LGI1: variants seen among roughly 807,000 people sequenced by gnomAD.
LGI1 encodes the protein leucine rich glioma inactivated 1, also known as leucine-rich glioma-inactivated protein 1.
Under a neutral mutation model 57.7 loss-of-function variants are expected in LGI1, and 11 were observed. The observed-to-expected ratio is 0.19, with a 90% CI of 0.12 to 0.32. The LOEUF (loss-of-function observed/expected upper bound fraction) is 0.32. Ranked by LOEUF, LGI1 falls within the 10% of genes least tolerant of loss-of-function variation. LGI1 has a pLI of 1.00. For synonymous variants in LGI1, 222 were observed against 241.9 expected, an observed-to-expected ratio of 0.92 and a Z score of 0.76; for missense variants, 422 against 661.9, an observed-to-expected ratio of 0.64 and a Z score of 3.98.
At chr10:93,781,685 TA>T (rs1312328388) in intron 4 of LGI1, among the ~76,000 whole-genome samples, 9 of 152,286 alleles carry the variant, frequency 5.9e-5, no homozygotes, top group African/African-American at 1.7e-4. Flanking sequence ...AAAACATGAA[TA>T]AAAAATTAGT....
At chr10:93,775,347 C>T (rs1391635813) in intron 2 of LGI1, among the ~76,000 whole-genome samples, 2 of 152,136 alleles carry the variant, frequency 1.3e-5, no homozygotes, top group Non-Finnish European at 2.9e-5. Flanking sequence ...TGGCTCCTTT[C>T]CTTGAATATT....
intron 2 of LGI1, chr10:93,768,711 G>T (rs2059704687): frequency 6.6e-6 from 1 of 152,134 alleles, no homozygotes; most frequent in Non-Finnish European, 1.5e-5. Flanking sequence ...GCATGTCAAG[G>T]ACATCCCTGC....
chr10:93,758,416 G>C lies in LGI1; in HGVS notation c.215+57G>C. The C allele has an allele frequency of 6.5e-7, 1 of 1,527,200 alleles. No individual in the cohort carries two copies. Among genetic ancestry groups the C allele is most frequent in the Non-Finnish European group, 9.1e-7 (1 of 1,103,504 alleles). The allele number at this position is 1,527,200 out of a possible 1,614,324, so 94.6% of individuals were successfully genotyped here. A position where few individuals can be genotyped will look rare whatever the true frequency, so the allele number is the denominator to read the frequency against. ...TACGATTTAAAAATTCCAGCCGGTG[G>C]ATTTGGGGCTTTGCATGTATTTGTA... On this transcript the variant is annotated intron_variant, in intron 1 of 7. Transcript: ENST00000371418. The surrounding 1 kb of genome is among the most constrained non-coding windows in gnomAD (Gnocchi z 4.7).
chr10:93,772,202 T>G (rs2059748557), intron 2 of LGI1, among the ~76,000 whole-genome samples: 1 of 152,174 alleles, frequency 6.6e-6, no homozygotes, highest in South Asian at 2.1e-4. Context: ...TCAAAGGACA[T>G]GATTTCATAG....
intron 2 of LGI1, among the ~76,000 whole-genome samples, chr10:93,776,186 A>G (rs2059792208): frequency 6.6e-6 from 1 of 152,078 alleles, no homozygotes; most frequent in Non-Finnish European, 1.5e-5. Context: ...ATCCAACACC[A>G]CTCTAGGATT....
chr10:93,772,098 T>A (rs1386465642), intron 2 of LGI1: 1 of 151,836 alleles, frequency 6.6e-6, no homozygotes, highest in East Asian at 1.9e-4. Flanking sequence ...AAATTGGTAA[T>A]CAGTAGGAAA....
chr10:93,764,273 A>G (rs2059651873), intron 2 of LGI1: 1 of 152,174 alleles, frequency 6.6e-6, no homozygotes, highest in African/African-American at 2.4e-5. Context: ...GTAAGTAGAG[A>G]TGAGGTCTTG....
intron 4 of LGI1, among the ~76,000 whole-genome samples, chr10:93,778,278 C>T (rs1053129497): frequency 6.6e-6 from 1 of 151,904 alleles, no homozygotes; most frequent in Non-Finnish European, 1.5e-5. Context: ...GGTTGAGAAA[C>T]CCTGAACAAC....
chr10:93,762,198 G>A (rs569085211), intron 2 of LGI1, among the ~76,000 whole-genome samples: 9 of 152,250 alleles, frequency 5.9e-5, no homozygotes, highest in African/African-American at 1.4e-4. Flanking sequence ...GTAAGAATCC[G>A]ACATGACCAG....
At chr10:93,783,246 G>A (rs918156606) in intron 4 of LGI1, among the ~76,000 whole-genome samples, 1 of 152,050 alleles carries the variant, frequency 6.6e-6, no homozygotes, top group African/African-American at 2.4e-5. Context: ...CGTGGTGGCG[G>A]GCGCCTGTAG....
intron 2 of LGI1, among the ~76,000 whole-genome samples, chr10:93,760,894 G>T (rs774416992): frequency 4.4e-4 from 67 of 152,164 alleles, no homozygotes; most frequent in Non-Finnish European, 8.2e-4. Flanking sequence ...GTGTGTTCTC[G>T]GTTAACTCAG....
At chr10:93,795,562 G>A (rs1399604286) in intron 7 of LGI1, among the ~76,000 whole-genome samples, 1 of 152,110 alleles carries the variant, frequency 6.6e-6, no homozygotes, top group Non-Finnish European at 1.5e-5. Context: ...ATTTTGGAGG[G>A]ACAGAAACAT....
intron 4 of LGI1, among the ~76,000 whole-genome samples, chr10:93,782,524 T>C (rs2059855069): frequency 6.6e-6 from 1 of 152,132 alleles, no homozygotes; most frequent in Admixed American, 6.6e-5. Flanking sequence ...TTCTAAATGC[T>C]ATAGTGTATA....
intron 5 of LGI1, 118 bp downstream of exon 5, chr10:93,790,288 A>T (rs966184986): frequency 9.5e-5 from 94 of 990,362 alleles, no homozygotes; most frequent in Non-Finnish European, 1.3e-4. Flanking sequence ...GGATTTTTAA[A>T]TCTAAATTTT....
chr10:93,769,734 C>A (rs2059715970), intron 2 of LGI1: 1 of 152,212 alleles, frequency 6.6e-6, no homozygotes, highest in Middle Eastern at 3.2e-3. Flanking sequence ...TGAATCCAAT[C>A]AATTCATTCT....
At chr10:93,770,842 T>C (rs561291200) in intron 2 of LGI1, 2 of 152,308 alleles carry the variant, frequency 1.3e-5, no homozygotes, top group African/African-American at 4.8e-5. Context: ...TAAATTCCCA[T>C]TGAAATCAAA....
chr10:93,791,376 G>T (rs1227696913), intron 5 of LGI1: 1 of 152,082 alleles, frequency 6.6e-6, no homozygotes, highest in Non-Finnish European at 1.5e-5. Context: ...CTCATTGGGG[G>T]TCCTTTACCC....
chr10:93,777,342 A>T (rs780041745), intron 2 of LGI1, 37 bp from the exon 3 acceptor site: 2 of 1,576,374 alleles, frequency 1.3e-6, no homozygotes, highest in Non-Finnish European at 1.7e-6. Context: ...ACAATCTGTC[A>T]GTTTCACCAT....
intron 2 of LGI1, chr10:93,762,603 G>T (rs2059634765): frequency 6.6e-6 from 1 of 152,118 alleles, no homozygotes; most frequent in Admixed American, 6.5e-5. Flanking sequence ...ATTATTAGCT[G>T]GTTATAGGTG....
Sources: gnomAD v4.1 joint callset for allele counts (sites outside exome capture counted in the v4.1 genomes callset) on GRCh38, gnomAD v4.1.1 for gene constraint, Gnocchi (gnomAD v3.1) non-coding constraint, MANE v1.5 for transcripts, NCBI Gene and HGNC (gene_info 2026-07-23, HGNC 2026-07-21) for gene names.